The following TP63 variants were observed in gnomAD, a reference collection of about 807,000 sequenced individuals.
TP63 encodes the protein tumor protein 63.
In TP63, 17 loss-of-function variants were observed where a neutral mutation model predicts 82.8. That is an observed-to-expected ratio of 0.21 (90% CI 0.14 to 0.31). The LOEUF (loss-of-function observed/expected upper bound fraction) is 0.31, where lower values mean the gene tolerates loss of function less well. TP63 is among the 10% of genes least tolerant of loss of function. TP63 has a pLI of 1.00. For missense variants in TP63, 648 were observed against 895.3 expected (o/e 0.72, Z 3.52); for synonymous variants, 330 against 321.7 (o/e 1.03, Z -0.28).
At chr3:189,732,559 A>G (rs1055782363) in intron 1 of TP63, among the ~76,000 whole-genome samples, 3 of 152,232 alleles carry the variant, frequency 2.0e-5, no homozygotes, top group African/African-American at 7.2e-5. Flanking sequence ...TGGTAGAACC[A>G]ATGCATTGAC....
intron 4 of TP63, among the ~76,000 whole-genome samples, chr3:189,843,086 C>T (rs1279983215): frequency 1.3e-5 from 2 of 152,354 alleles, no homozygotes; most frequent in East Asian, 1.9e-4. Flanking sequence ...GCTCCACCCC[C>T]GCCCCTTCCC....
chr3:189,848,319 C>G (rs1207116960), intron 4 of TP63, among the ~76,000 whole-genome samples: 1 of 144,002 alleles, frequency 6.9e-6, no homozygotes, highest in African/African-American at 2.6e-5. Context: ...ACTGTAACCT[C>G]AACCTGCTGC....
At chr3:189,729,924 T>A (rs776161320) in intron 1 of TP63, among the ~76,000 whole-genome samples, 1 of 152,166 alleles carries the variant, frequency 6.6e-6, no homozygotes, top group African/African-American at 2.4e-5. Context: ...CTAAGTATGA[T>A]GATTAATGAT....
chr3:189,767,271 C>T (rs1180608748), intron 3 of TP63, among the ~76,000 whole-genome samples: 1 of 151,838 alleles, frequency 6.6e-6, no homozygotes, highest in Admixed American at 6.6e-5. Flanking sequence ...TCTCATCCAG[C>T]AGTTCTACAT....
Position 189,807,277 on chromosome 3 carries a change from G to T in TP63, c.325-995G>T, listed in dbSNP as rs551905412. ...CAGAGCCCTGAAGTCAGAACCAGAA[G>T]ATTCAGCACCGAAAGCCCCAGTCAT... On this transcript the variant is annotated intron_variant, in intron 3 of 13. Transcript: ENST00000264731. 3.3e-5 allele frequency among the ~76,000 whole-genome samples: 5 copies of T among 152,354 alleles called. No individual in the cohort carries two copies. In the South Asian group the frequency reaches 1.0e-3, roughly 32 times the overall value.
At chr3:189,642,033 A>C (rs1711930290) in intron 1 of TP63, among the ~76,000 whole-genome samples, 1 of 152,176 alleles carries the variant, frequency 6.6e-6, no homozygotes, top group African/African-American at 2.4e-5. Flanking sequence ...CTGCCACCTA[A>C]GAAGCAAGAG....
At chr3:189,838,709 G>A (rs1241357715) in intron 4 of TP63, among the ~76,000 whole-genome samples, 1 of 152,166 alleles carries the variant, frequency 6.6e-6, no homozygotes, top group African/African-American at 2.4e-5. Context: ...CTTAAAAAAG[G>A]AGAGGAGAGC....
At chr3:189,858,028 A>T (rs1234172604) in intron 4 of TP63, among the ~76,000 whole-genome samples, 1 of 152,176 alleles carries the variant, frequency 6.6e-6, no homozygotes, top group Non-Finnish European at 1.5e-5. Flanking sequence ...GGATATCTTC[A>T]CTCCTGTTTA....
intron 4 of TP63, among the ~76,000 whole-genome samples, chr3:189,817,658 T>G (rs1376418762): frequency 6.6e-6 from 1 of 152,100 alleles, no homozygotes; most frequent in Admixed American, 6.5e-5. Context: ...AGGTTTTTTA[T>G]TTCTACAAAG....
chr3:189,725,390 T>C (rs1719698571), intron 1 of TP63, among the ~76,000 whole-genome samples: 1 of 152,098 alleles, frequency 6.6e-6, no homozygotes. Flanking sequence ...AATATAAATA[T>C]GTAAAAATTA....
At position 189,631,569 on chromosome 3, in the gene TP63, C is replaced by T; in HGVS notation, c.54C>T (p.Tyr18=). ...CCCTACAGTACTGCCCTGACCCTTA[C>T]ATCCAGCGGTGAGTTTGAATGTGAC... The part of the protein sequence containing the change: ...CATLQYCPDP[Y]IQRFVETPAH... The change falls in exon 1 of 14, where the codon TAC becomes TAT. Residue 18 remains tyrosine (Y), a synonymous_variant. Coordinates refer to ENST00000264731, the MANE Select transcript of TP63 (RefSeq NM_003722.5). 3.1e-6 allele frequency: 5 copies of T among 1,612,886 alleles called. No individual in the cohort carries two copies. The highest frequency in any genetic ancestry group is 4.2e-6 in the Non-Finnish European group (5 of 1,179,122).
the TP63 span, among the ~76,000 whole-genome samples, chr3:189,610,557 T>C: frequency 6.6e-6 from 1 of 152,186 alleles, no homozygotes; most frequent in East Asian, 1.9e-4. Flanking sequence ...ATGGACCTTA[T>C]TGTCCATGTC....
intron 6 of TP63, among the ~76,000 whole-genome samples, chr3:189,867,538 T>G (rs949518894): frequency 6.6e-6 from 1 of 152,186 alleles, no homozygotes; most frequent in Non-Finnish European, 1.5e-5. Flanking sequence ...ATGAAGGTGG[T>G]ATAGCCTATT....
chr3:189,785,364 A>T (rs1476777967), intron 3 of TP63, among the ~76,000 whole-genome samples: 1 of 152,108 alleles, frequency 6.6e-6, no homozygotes, highest in Admixed American at 6.6e-5. Context: ...ACTAAATGTG[A>T]CATGATGAAC....
chr3:189,649,527 A>G lies in TP63; in HGVS notation c.62+17950A>G, dbSNP rs1712709480. On this transcript the variant is annotated intron_variant, in intron 1 of 13. Coordinates refer to ENST00000264731, the MANE Select transcript of TP63 (RefSeq NM_003722.5). Reference sequence around the variant, plus strand: ...CAAAAAATAATAATTAATGAGTGCTAGGCTTAATACCTGGATGATGAAATA... The same window carrying G: ...CAAAAAATAATAATTAATGAGTGCTGGGCTTAATACCTGGATGATGAAATA... Among the ~76,000 whole-genome samples the G allele has an allele frequency of 2.0e-5, 3 of 146,828 alleles. 1 individual carries two copies. The East Asian group carries it at 7.1e-4, about 35-fold the overall frequency.
At chr3:189,603,667 AAAAAAAAAAG>A in the TP63 span, among the ~76,000 whole-genome samples, 2 of 132,022 alleles carry the variant, frequency 1.5e-5, no homozygotes, top group South Asian at 2.6e-4. Context: ...AAAAAAAAAA[AAAAAAAAAAG>A]AAGCACAGTC....
intron 1 of TP63, among the ~76,000 whole-genome samples, chr3:189,660,745 C>T (rs377122187): frequency 1.1e-4 from 16 of 151,688 alleles, no homozygotes; most frequent in African/African-American, 3.9e-4. Context: ...TTCCTTCAAC[C>T]GTGTTTTGTA....
chr3:189,626,852 T>A (rs1040864319), upstream of TP63, among the ~76,000 whole-genome samples: 2 of 152,106 alleles, frequency 1.3e-5, no homozygotes, highest in Admixed American at 6.6e-5. Flanking sequence ...CTTTCTGAGA[T>A]GTGTGGTTTT....
At chr3:189,665,541 G>A (rs753462463) in intron 1 of TP63, among the ~76,000 whole-genome samples, 4 of 152,044 alleles carry the variant, frequency 2.6e-5, no homozygotes, top group Non-Finnish European at 5.9e-5. Context: ...GCAACTATGA[G>A]GGGATATATC....
Sources: gnomAD v4.1 joint callset for allele counts (sites outside exome capture counted in the v4.1 genomes callset) on GRCh38, gnomAD v4.1.1 for gene constraint, MANE v1.5 for transcripts, NCBI Gene and HGNC (gene_info 2026-07-23, HGNC 2026-07-21) for gene names.